The following RAB38 variants were observed in gnomAD, a reference collection of about 807,000 sequenced individuals.
RAB38 encodes ras-related protein Rab-38.
In RAB38, 15 loss-of-function variants were observed where a neutral mutation model predicts 18.4. The ratio of observed to expected loss-of-function variants is 0.82; its 90% CI spans 0.55 to 1.26. The LOEUF (loss-of-function observed/expected upper bound fraction) is 1.26, where lower values mean the gene tolerates loss of function less well. Ranked by LOEUF, RAB38 falls within the 50% of genes most tolerant of loss-of-function variation. The pLI is 0.00. For synonymous variants in RAB38, 101 were observed against 104.4 expected (o/e 0.97, Z 0.20); for missense variants, 294 against 267.4 (o/e 1.10, Z -0.69).
chr11:88,133,842 A>T (rs1565212809), intron 2 of RAB38, among the ~76,000 whole-genome samples: 1 of 152,212 alleles, frequency 6.6e-6, no homozygotes, highest in Non-Finnish European at 1.5e-5. Context: ...CTGTCTACTG[A>T]GGAGAGTCCA....
At chr11:87,917,860 A>G in the RAB38 span, 15 of 152,092 alleles carry the variant, frequency 9.9e-5, no homozygotes, top group African/African-American at 3.6e-4. Context: ...CTTAATCCCT[A>G]TCTCAGGATT....
At position 88,175,348 on chromosome 11, in the gene RAB38, G is replaced by A. The variant is rs1193215407; in HGVS notation, c.37C>T (p.Leu13=). The A allele has an allele frequency of 6.2e-7, 1 of 1,614,206 alleles. No individual in the cohort carries two copies. The highest frequency in any genetic ancestry group is 1.7e-5 in the Admixed American group (1 of 60,030). ...CCCACGCCCAGGTCGCCAATCACCA[G>A]CAACTTGTACAGGTGCTCCTTGTGC... ...APHKEHLYKL[L]VIGDLGVGKT... Residue 13 remains leucine (L), a synonymous_variant, in exon 1 of 3, where the codon CTG becomes TTG. Transcript: ENST00000243662.
chr11:87,932,070 C>A, the RAB38 span, among the ~76,000 whole-genome samples: 1 of 151,822 alleles, frequency 6.6e-6, no homozygotes, highest in Non-Finnish European at 1.5e-5. Flanking sequence ...GGTTTGAACA[C>A]CATGTCCACC....
chr11:87,973,142 T>C, the RAB38 span, among the ~76,000 whole-genome samples: 1 of 151,996 alleles, frequency 6.6e-6, no homozygotes, highest in Admixed American at 6.6e-5. Flanking sequence ...AGGTATTTCT[T>C]TATAGCAGTG....
the RAB38 span, among the ~76,000 whole-genome samples, chr11:88,097,280 G>C: frequency 1.3e-5 from 2 of 151,830 alleles, no homozygotes; most frequent in African/African-American, 2.4e-5. Context: ...AATTCAATCA[G>C]ACAACCAGCA....
At chr11:87,822,327 T>A in the RAB38 span, among the ~76,000 whole-genome samples, 11 of 152,210 alleles carry the variant, frequency 7.2e-5, no homozygotes, top group Admixed American at 7.2e-4. Context: ...ATGTATTAGA[T>A]AATGATTGCT....
chr11:88,083,884 C>G, the RAB38 span, among the ~76,000 whole-genome samples: 13 of 152,018 alleles, frequency 8.6e-5, no homozygotes, highest in South Asian at 2.3e-3. Context: ...AAATGAACTT[C>G]TATTATTTAT....
chr11:87,933,782 A>G, the RAB38 span, among the ~76,000 whole-genome samples: 8 of 151,934 alleles, frequency 5.3e-5, no homozygotes, highest in African/African-American at 1.9e-4. Flanking sequence ...CTACATTGGC[A>G]TTTTCCAATT....
chr11:87,850,187 C>A, the RAB38 span, among the ~76,000 whole-genome samples: 1 of 152,050 alleles, frequency 6.6e-6, no homozygotes, highest in Non-Finnish European at 1.5e-5. Context: ...CATAAAATAA[C>A]CATTACTAAA....
At chr11:87,955,153 C>T in the RAB38 span, among the ~76,000 whole-genome samples, 1 of 151,962 alleles carries the variant, frequency 6.6e-6, no homozygotes, top group South Asian at 2.1e-4. Flanking sequence ...TCCATGAAAG[C>T]CACATTGGCA....
At chr11:87,921,949 C>T in the RAB38 span, among the ~76,000 whole-genome samples, 9 of 151,902 alleles carry the variant, frequency 5.9e-5, no homozygotes, top group African/African-American at 1.4e-4. Flanking sequence ...CAGGATTCTG[C>T]CAACCACAAG....
At chr11:88,173,533 A>G in intron 1 of RAB38, 1 of 985,392 alleles carries the variant, frequency 1.0e-6, no homozygotes, top group Middle Eastern at 5.2e-4. Context: ...GGAGACTGAA[A>G]TCTACAGACA....
At chr11:88,164,391 A>G (rs1943223968) in intron 1 of RAB38, among the ~76,000 whole-genome samples, 2 of 152,180 alleles carry the variant, frequency 1.3e-5, no homozygotes, top group South Asian at 4.1e-4. Flanking sequence ...CAGTGTTAAC[A>G]CTATATTCCT....
At chr11:88,011,928 T>C in the RAB38 span, among the ~76,000 whole-genome samples, 1 of 152,196 alleles carries the variant, frequency 6.6e-6, no homozygotes, top group East Asian at 1.9e-4. Context: ...TTGAGACTTT[T>C]GCTCCATTCG....
the RAB38 span, among the ~76,000 whole-genome samples, chr11:87,808,571 T>A: frequency 1.3e-5 from 2 of 152,170 alleles, no homozygotes; most frequent in African/African-American, 4.8e-5. Flanking sequence ...GGGAAGATGT[T>A]ACTCAAAGAT....
the RAB38 span, among the ~76,000 whole-genome samples, chr11:87,896,792 T>A: frequency 6.6e-6 from 1 of 151,558 alleles, no homozygotes; most frequent in Non-Finnish European, 1.5e-5. Flanking sequence ...TATGATAAGT[T>A]TCGTTGTGAA....
chr11:87,966,063 A>G, the RAB38 span, among the ~76,000 whole-genome samples: 2 of 152,160 alleles, frequency 1.3e-5, no homozygotes, highest in African/African-American at 4.8e-5. Flanking sequence ...AAGGACCTCA[A>G]GAAAAAGTTT....
chr11:87,803,903 T>C, the RAB38 span, among the ~76,000 whole-genome samples: 3 of 152,346 alleles, frequency 2.0e-5, no homozygotes, highest in Non-Finnish European at 4.4e-5. Flanking sequence ...TAACTTTCTG[T>C]GGCCCATGCC....
At chr11:88,138,774 TATTC>T (rs796708756) in intron 2 of RAB38, among the ~76,000 whole-genome samples, 179 of 100,638 alleles carry the variant, frequency 1.8e-3, no homozygotes, top group African/African-American at 6.0e-3. Flanking sequence ...TTTTTATTAT[TATTC>T]TTTTTTTTTT....
Sources: allele counts gnomAD v4.1 joint callset (sites outside exome capture counted in the v4.1 genomes callset), GRCh38; gene constraint gnomAD v4.1.1; transcripts MANE v1.5; gene names NCBI Gene and HGNC (gene_info 2026-07-23, HGNC 2026-07-21).